The following RALGPS2 variants were observed in gnomAD, a reference collection of about 807,000 sequenced individuals.
RALGPS2 encodes Ral GEF with PH domain and SH3 binding motif 2, also known as ras-specific guanine nucleotide-releasing factor RalGPS2.
Under a neutral mutation model 86.8 loss-of-function variants are expected in RALGPS2, and 43 were observed. That is an observed-to-expected ratio of 0.50 (90% CI 0.39 to 0.64). The LOEUF is 0.64. Among genes scored for constraint, RALGPS2 ranks in the 30% least tolerant of loss-of-function variants. The pLI, the probability that RALGPS2 is intolerant of heterozygous loss-of-function variation, is 0.00. For synonymous variants in RALGPS2, 243 were observed against 231.3 expected (o/e 1.05, Z -0.46); for missense variants, 536 against 694.6 (o/e 0.77, Z 2.57).
rs981581710 is a variant in RALGPS2, at chr1:178,878,771, G to A, written c.746-131G>A. The A allele has an allele frequency of 2.5e-6, 3 of 1,198,246 alleles. No homozygotes were observed. In the African/African-American group the frequency reaches 4.7e-5, roughly 19 times the overall value. The allele number at this position is 1,198,246 out of a possible 1,614,324, so 74.2% of individuals were successfully genotyped here. ...TCACATTAAAGTTTATCTCAGTAATGTCCTTCTAGAGTTAATTTAAATTTT... is the reference window on the plus strand; with the variant it reads ...TCACATTAAAGTTTATCTCAGTAATATCCTTCTAGAGTTAATTTAAATTTT... On this transcript the variant is annotated intron_variant, in intron 9 of 19. Transcript: ENST00000367635.
intron 2 of RALGPS2, among the ~76,000 whole-genome samples, chr1:178,783,797 A>C (rs983924748): frequency 1.3e-5 from 2 of 152,186 alleles, no homozygotes. Flanking sequence ...AATTTTTAAC[A>C]GTAATAAGAT....
At chr1:178,731,707 G>A (rs998603869) in intron 1 of RALGPS2, among the ~76,000 whole-genome samples, 3 of 152,086 alleles carry the variant, frequency 2.0e-5, no homozygotes, top group African/African-American at 7.2e-5. Context: ...GATATTTTAT[G>A]TATCTTGTAT....
chr1:178,921,687 G>A lies in RALGPS2; in HGVS notation c.*5328G>A, dbSNP rs562742415. On this transcript the variant is annotated 3_prime_UTR_variant, in exon 20 of 20. Coordinates refer to ENST00000367635, the MANE Select transcript of RALGPS2 (RefSeq NM_152663.5). The stretch of plus-strand genomic sequence containing the variant: ...CTCGATTGCACTATGACCTCCTTGA[G>A]TGATGTGCAGCTTGGTTCCTCTCTC... 2.6e-5 allele frequency: 4 copies of A among 152,144 alleles called. No individual in the cohort carries two copies. In the East Asian group the frequency reaches 7.7e-4, roughly 29 times the overall value. 9.4% of individuals were successfully genotyped at this position (152,144 alleles called of 1,614,324 possible). A position where few individuals can be genotyped will look rare whatever the true frequency, so the allele number is the denominator to read the frequency against.
At chr1:178,788,187 T>C (rs1285745748) in intron 4 of RALGPS2, among the ~76,000 whole-genome samples, 1 of 152,176 alleles carries the variant, frequency 6.6e-6, no homozygotes, top group Non-Finnish European at 1.5e-5. Context: ...TCAGGTAAGC[T>C]TTTTTTGTCT....
At chr1:178,733,409 A>G (rs1238925421) in intron 1 of RALGPS2, among the ~76,000 whole-genome samples, 2 of 152,236 alleles carry the variant, frequency 1.3e-5, no homozygotes, top group African/African-American at 4.8e-5. Flanking sequence ...ACAAATGGAC[A>G]AAAGACTAGA....
At chr1:178,885,034 A>T in intron 11 of RALGPS2, 42 bp from the exon 12 acceptor site, 1 of 1,520,100 alleles carries the variant, frequency 6.6e-7, no homozygotes, top group Non-Finnish European at 8.8e-7. Flanking sequence ...GGACTGAAAA[A>T]TAAAGTAATC....
intron 4 of RALGPS2, among the ~76,000 whole-genome samples, chr1:178,803,046 T>G (rs1654556796): frequency 6.6e-6 from 1 of 152,116 alleles, no homozygotes; most frequent in African/African-American, 2.4e-5. Flanking sequence ...TGTACCTCAT[T>G]TTGATAAGAG....
At chr1:178,746,100 G>C (rs891063691) in intron 1 of RALGPS2, among the ~76,000 whole-genome samples, 4 of 152,048 alleles carry the variant, frequency 2.6e-5, no homozygotes, top group African/African-American at 9.7e-5. Flanking sequence ...GGTATTACAG[G>C]TGTGAGCCAC....
chr1:178,899,848 T>A (rs913615510), intron 17 of RALGPS2, among the ~76,000 whole-genome samples: 2 of 151,882 alleles, frequency 1.3e-5, no homozygotes, highest in Non-Finnish European at 2.9e-5. Flanking sequence ...GTATGTCTTT[T>A]AGTTGAATCC....
intron 1 of RALGPS2, among the ~76,000 whole-genome samples, chr1:178,754,684 A>G (rs1354902205): frequency 2.0e-5 from 3 of 152,228 alleles, no homozygotes; most frequent in African/African-American, 7.2e-5. Context: ...CACACCCAGA[A>G]TAGTGTTTGA....
chr1:178,892,177 CTG>C (rs1659740662), intron 14 of RALGPS2, 51 bp from the exon 15 acceptor site: 2 of 1,460,668 alleles, frequency 1.4e-6, no homozygotes, highest in South Asian at 1.1e-5. Context: ...TTGATAATGA[CTG>C]TGTGAATAAA....
Position 178,895,856 on chromosome 1 carries a change from A to G in RALGPS2, c.1432-1808A>G, listed in dbSNP as rs1659917752. Among the ~76,000 whole-genome samples the G allele has an allele frequency of 2.6e-5, 4 of 152,078 alleles. No homozygotes were observed. In the South Asian group the frequency reaches 8.3e-4, roughly 32 times the overall value. On this transcript the variant is annotated intron_variant, in intron 16 of 19. Coordinates refer to ENST00000367635, the MANE Select transcript of RALGPS2 (RefSeq NM_152663.5). Reference sequence around the variant, plus strand: ...AGTGGAGGTGTCATTGTGGCTGTTGAAAAAGTATGGATCATGAGGTCAGCA... The same window carrying G: ...AGTGGAGGTGTCATTGTGGCTGTTGGAAAAGTATGGATCATGAGGTCAGCA...
In RALGPS2 at chr1:178,784,425, G is replaced by A. The variant is rs1653549368; in HGVS notation, c.65G>A (p.Ser22Asn). Residue 22 changes from serine (S) to asparagine (N), a missense_variant, in exon 3 of 20, where the codon AGC becomes AAC. Coordinates refer to ENST00000367635, the MANE Select transcript of RALGPS2 (RefSeq NM_152663.5). Reference sequence around the variant, plus strand: ...TTTCTTTCACTTTAACAGAAAAGTAGCAGCTCTGAATCCTTAAGTGACAAA... The same window carrying A: ...TTTCTTTCACTTTAACAGAAAAGTAACAGCTCTGAATCCTTAAGTGACAAA... ...NIAATASEKS[S>N]SSESLSDKGS... The A allele has an allele frequency of 6.3e-7, 1 of 1,595,546 alleles. No individual in the cohort carries two copies. Among genetic ancestry groups the A allele is most frequent in the Non-Finnish European group, 8.6e-7 (1 of 1,168,340 alleles).
At chr1:178,834,492 T>G in intron 8 of RALGPS2, among the ~76,000 whole-genome samples, 1 of 152,174 alleles carries the variant, frequency 6.6e-6, no homozygotes, top group East Asian at 1.9e-4. Context: ...AACATCAACC[T>G]TAGTTTCCCA....
At chr1:178,914,528 T>G in intron 19 of RALGPS2, among the ~76,000 whole-genome samples, 1 of 152,200 alleles carries the variant, frequency 6.6e-6, no homozygotes, top group East Asian at 1.9e-4. Flanking sequence ...CCACCCACTC[T>G]CAGAAAATCG....
At chr1:178,912,972 T>C (rs1399969985) in intron 19 of RALGPS2, among the ~76,000 whole-genome samples, 1 of 152,216 alleles carries the variant, frequency 6.6e-6, no homozygotes, top group Non-Finnish European at 1.5e-5. Context: ...CTGTTGTTAA[T>C]GCTTCCAATT....
intron 8 of RALGPS2, among the ~76,000 whole-genome samples, chr1:178,859,099 G>A (rs1657783785): frequency 6.6e-6 from 1 of 151,832 alleles, no homozygotes; most frequent in Admixed American, 6.6e-5. Context: ...GAATTACTTA[G>A]TTTATTAATC....
In RALGPS2 at chr1:178,776,728, T is replaced by G. The variant is rs770966953; in HGVS notation, c.-37T>G. The G allele has an allele frequency of 2.3e-5, 35 of 1,554,764 alleles. No individual in the cohort carries two copies. In the Admixed American group the frequency reaches 2.5e-4, roughly 11 times the overall value. ...GGACATGAGGCAGTCAGTCCTCTGT[T>G]GCTGTTAACATAAGGTCAGGGACTG... On this transcript the variant is annotated 5_prime_UTR_variant, in exon 2 of 20. Transcript: ENST00000367635.
chr1:178,741,436 G>T (rs1323243257), intron 1 of RALGPS2, among the ~76,000 whole-genome samples: 2 of 152,144 alleles, frequency 1.3e-5, no homozygotes, highest in Non-Finnish European at 2.9e-5. Context: ...TTTAAATGAA[G>T]CTAAGGAGGA....
Sources: allele counts gnomAD v4.1 joint callset (sites outside exome capture counted in the v4.1 genomes callset), GRCh38; gene constraint gnomAD v4.1.1; transcripts MANE v1.5; gene names NCBI Gene and HGNC (gene_info 2026-07-23, HGNC 2026-07-21).